TUSC3: variants seen among roughly 807,000 people sequenced by gnomAD.
TUSC3 encodes the protein tumor suppressor candidate 3, also known as dolichyl-diphosphooligosaccharide--protein glycosyltransferase subunit TUSC3.
A neutral mutation model predicts 44.8 loss-of-function variants in TUSC3; 45 were observed. The observed-to-expected ratio is 1.00, with a 90% CI of 0.79 to 1.29. The LOEUF is 1.29. TUSC3 is among the 50% of genes most tolerant of loss of function. The probability of loss-of-function intolerance (pLI) is 0.00; values close to 1 mark genes in which losing one functional copy is unlikely to be tolerated. For missense variants in TUSC3, 519 were observed against 437.9 expected, an observed-to-expected ratio of 1.19 and a Z score of -1.65; for synonymous variants, 212 against 152.9, an observed-to-expected ratio of 1.39 and a Z score of -2.85.
At chr8:15,784,460 C>T in the TUSC3 span, among the ~76,000 whole-genome samples, 1 of 151,878 alleles carries the variant, frequency 6.6e-6, no homozygotes, top group Non-Finnish European at 1.5e-5. Flanking sequence ...AATTGAAGTG[C>T]CCATCATGAA....
intron 2 of TUSC3, among the ~76,000 whole-genome samples, chr8:15,487,628 T>C (rs2129125459): frequency 6.6e-6 from 1 of 152,342 alleles, no homozygotes; most frequent in African/African-American, 2.4e-5. Flanking sequence ...ATTCTCAATC[T>C]TTCTTTTAGC....
At chr8:15,801,778 G>T in the TUSC3 span, among the ~76,000 whole-genome samples, 1 of 152,130 alleles carries the variant, frequency 6.6e-6, no homozygotes, top group African/African-American at 2.4e-5. Context: ...TGATACCATG[G>T]GATGAGTTTT....
chr8:15,829,660 C>G, the TUSC3 span, among the ~76,000 whole-genome samples: 9 of 151,882 alleles, frequency 5.9e-5, no homozygotes, highest in Non-Finnish European at 1.2e-4. Flanking sequence ...AGTTTTGTGT[C>G]ATATTTAAAA....
Position 15,483,649 on chromosome 8 carries a change from A to ATTTTTTTTTTTTTTTTTTTTTTTT in TUSC3, n.189+167_189+190dup, listed in dbSNP as rs60092911. Among the ~76,000 whole-genome samples the ATTTTTTTTTTTTTTTTTTTTTTTT allele has an allele frequency of 2.0e-4, 13 of 66,160 alleles. 2 individuals carry two copies. The highest frequency in any genetic ancestry group is 3.0e-4 in the Non-Finnish European group (11 of 36,292). The allele number at this position is 66,160 out of a possible 152,430, so 43.4% of individuals were successfully genotyped here. The stretch of plus-strand genomic sequence containing the variant: ...CCGTCGTGCCCAGCCTAGCACTGTG[A>ATTTTTTTTTTTTTTTTTTTTTTTT]TTTTTTTTTTTTTTTTTTTTTTTTG... On this transcript the variant is annotated intron_variant and non_coding_transcript_variant, in intron 2 of 5. Transcript: ENST00000503191.
chr8:15,617,562 G>A (rs534364174), intron 1 of TUSC3, among the ~76,000 whole-genome samples: 38 of 152,198 alleles, frequency 2.5e-4, no homozygotes, highest in Non-Finnish European at 3.4e-4. Context: ...GTGATACAAA[G>A]CCAGATGTAT....
At chr8:15,797,582 A>G in the TUSC3 span, among the ~76,000 whole-genome samples, 1 of 152,186 alleles carries the variant, frequency 6.6e-6, no homozygotes, top group South Asian at 2.1e-4. Context: ...CACAGATAGG[A>G]AAAACATTGG....
intron 1 of TUSC3, among the ~76,000 whole-genome samples, chr8:15,618,152 C>T (rs1043323395): frequency 2.6e-5 from 4 of 152,102 alleles, no homozygotes; most frequent in Non-Finnish European, 5.9e-5. Flanking sequence ...GTGAATAAGT[C>T]AGTAGCGGTG....
intron 1 of TUSC3, among the ~76,000 whole-genome samples, chr8:15,482,856 C>G (rs74487556): frequency 6.6e-6 from 1 of 152,180 alleles, no homozygotes; most frequent in Admixed American, 6.5e-5. Flanking sequence ...GAATACATGA[C>G]TTTCTTCACC....
Position 15,656,610 on chromosome 8 carries a change from G to A in TUSC3, c.427-2897G>A, listed in dbSNP as rs189962655. ...CAGCCCCACCCACCTCTATAGCTTT[G>A]CCAGGCCCAAGCCCACGCAACAGCT... On this transcript the variant is annotated intron_variant, in intron 3 of 10. Transcript: ENST00000503731. Among the ~76,000 whole-genome samples the A allele has an allele frequency of 1.0e-3, 155 of 152,098 alleles. 1 individual carries two copies. The Middle Eastern group carries it at 0.01, about 10-fold the overall frequency.
At chr8:15,490,371 G>A (rs554786399) in intron 2 of TUSC3, among the ~76,000 whole-genome samples, 28 of 152,204 alleles carry the variant, frequency 1.8e-4, no homozygotes, top group Middle Eastern at 6.8e-3. Flanking sequence ...TGCTCAAGAC[G>A]GAGGAGGAGG....
chr8:15,624,565 T>C (rs1351392981), intron 2 of TUSC3, among the ~76,000 whole-genome samples: 1 of 152,242 alleles, frequency 6.6e-6, no homozygotes, highest in Non-Finnish European at 1.5e-5. Flanking sequence ...ACTAATTGTG[T>C]TGAACATCTT....
intron 6 of TUSC3, among the ~76,000 whole-genome samples, chr8:15,677,229 G>A (rs897637306): frequency 6.6e-6 from 1 of 152,014 alleles, no homozygotes; most frequent in African/African-American, 2.4e-5. Context: ...TGAACTCCTG[G>A]ACTCAAGCAG....
the TUSC3 span, among the ~76,000 whole-genome samples, chr8:15,819,200 G>C: frequency 2.0e-5 from 3 of 152,242 alleles, no homozygotes; most frequent in East Asian, 5.8e-4. Context: ...CATTTTTCTA[G>C]ATGTAATGGT....
chr8:15,847,011 T>C, the TUSC3 span, among the ~76,000 whole-genome samples: 1 of 151,582 alleles, frequency 6.6e-6, no homozygotes, highest in Admixed American at 6.6e-5. Context: ...TCAAAAGGAG[T>C]CTCTGGGCTA....
At chr8:15,814,402 G>C in the TUSC3 span, among the ~76,000 whole-genome samples, 1 of 152,182 alleles carries the variant, frequency 6.6e-6, no homozygotes, top group East Asian at 1.9e-4. Context: ...TAATAGAGAA[G>C]TGAAGGAGAT....
intron 2 of TUSC3, among the ~76,000 whole-genome samples, chr8:15,512,210 G>A (rs1585071336): frequency 6.6e-6 from 1 of 152,218 alleles, no homozygotes; most frequent in Non-Finnish European, 1.5e-5. Context: ...ATATTTCTGT[G>A]AATGTGTTTT....
rs1380790084 is a variant in TUSC3, at chr8:15,730,693, C to T, written c.826C>T (p.Gln276Ter). ...CTACATTCATGGGAGCAGCCAGGCT[C>T]AGTTTGTGGCAGAATCACACATTAT... is the stretch of plus-strand genomic sequence containing the variant. ...VSYIHGSSQA[Q>*]FVAESHIILV... The change falls in exon 7 of 11, where the codon CAG becomes TAG. Residue 276 changes from glutamine to a stop codon, truncating the protein, a stop_gained. Coordinates refer to ENST00000503731, the MANE Select transcript of TUSC3 (RefSeq NM_006765.4). LOFTEE classifies it high-confidence loss of function. 1 of 1,613,028 alleles carries T rather than the reference C, an allele frequency of 6.2e-7. No individual in the cohort carries two copies. The highest frequency in any genetic ancestry group is 8.5e-7 in the Non-Finnish European group (1 of 1,179,428).
intron 1 of TUSC3, among the ~76,000 whole-genome samples, chr8:15,551,495 T>G (rs1361242851): frequency 7.3e-5 from 11 of 151,716 alleles, no homozygotes; most frequent in Admixed American, 7.2e-4. Flanking sequence ...AAACTAATTG[T>G]GGCTGAGCTG....
intron 8 of TUSC3, among the ~76,000 whole-genome samples, chr8:15,744,561 GGGTGACAT>G (rs1563201661): frequency 6.6e-6 from 1 of 151,988 alleles, no homozygotes; most frequent in African/African-American, 2.4e-5. Context: ...TTTTTAGCTA[GGGTGACAT>G]GTGTGTAAAC....
Sources: gnomAD v4.1 joint callset for allele counts (sites outside exome capture counted in the v4.1 genomes callset) on GRCh38, gnomAD v4.1.1 for gene constraint, MANE v1.5 for transcripts, NCBI Gene and HGNC (gene_info 2026-07-23, HGNC 2026-07-21) for gene names.